The following TEC variants were observed in gnomAD, a reference collection of about 807,000 sequenced individuals.
TEC encodes tyrosine-protein kinase Tec.
TEC carries 72 observed loss-of-function variants against 93.0 expected under a neutral mutation model. That is an observed-to-expected ratio of 0.77 (90% CI 0.64 to 0.94). The LOEUF (loss-of-function observed/expected upper bound fraction) is 0.94, where lower values mean the gene tolerates loss of function less well. Among genes scored for constraint, TEC ranks in the 40% least tolerant of loss-of-function variants. TEC has a pLI of 0.00. For synonymous variants in TEC, 249 were observed against 247.7 expected (o/e 1.01, Z -0.05); for missense variants, 630 against 757.9 (o/e 0.83, Z 1.98).
chr4:48,200,678 G>A (rs1253797722), intron 2 of TEC, among the ~76,000 whole-genome samples: 1 of 152,226 alleles, frequency 6.6e-6, no homozygotes, highest in East Asian at 1.9e-4. Flanking sequence ...TGGTCAATGA[G>A]ATATTGGCAG....
At chr4:48,172,484 G>A (rs1183096395) in intron 3 of TEC, among the ~76,000 whole-genome samples, 1 of 151,464 alleles carries the variant, frequency 6.6e-6, no homozygotes, top group Non-Finnish European at 1.5e-5. Context: ...GCCCATGCTG[G>A]ATGGCAGGGG....
At chr4:48,264,086 A>G (rs901348728) in intron 1 of TEC, among the ~76,000 whole-genome samples, 3 of 152,242 alleles carry the variant, frequency 2.0e-5, no homozygotes, top group African/African-American at 7.2e-5. Context: ...TATTTCATGT[A>G]TAAATCAGCA....
At chr4:48,154,871 C>T (rs1720329253) in intron 9 of TEC, among the ~76,000 whole-genome samples, 1 of 151,984 alleles carries the variant, frequency 6.6e-6, no homozygotes. Context: ...ATTAAAGAGC[C>T]CAAAATTAGT....
chr4:48,186,006 C>T (rs1721822971), intron 2 of TEC, among the ~76,000 whole-genome samples: 1 of 152,154 alleles, frequency 6.6e-6, no homozygotes, highest in African/African-American at 2.4e-5. Flanking sequence ...TGCAGGCGCG[C>T]GCCGCCACAC....
At chr4:48,167,417 G>C (rs1720913926) in intron 7 of TEC, among the ~76,000 whole-genome samples, 1 of 151,980 alleles carries the variant, frequency 6.6e-6, no homozygotes, top group Non-Finnish European at 1.5e-5. Context: ...TATAGAGAGA[G>C]AGAGTCTAAG....
At chr4:48,265,418 CAT>C (rs1207154940) in intron 1 of TEC, among the ~76,000 whole-genome samples, 7 of 136,184 alleles carry the variant, frequency 5.1e-5, no homozygotes, top group East Asian at 2.2e-4. Flanking sequence ...TATACACACA[CAT>C]ATATATACAC....
At chr4:48,236,473 A>G (rs1387488071) in intron 1 of TEC, among the ~76,000 whole-genome samples, 11 of 151,990 alleles carry the variant, frequency 7.2e-5, no homozygotes, top group Middle Eastern at 3.2e-3. Context: ...TAGTAGAGAC[A>G]GGGTTTCACC....
intron 8 of TEC, among the ~76,000 whole-genome samples, chr4:48,159,777 C>A (rs971802682): frequency 6.6e-6 from 1 of 152,224 alleles, no homozygotes; most frequent in Admixed American, 6.5e-5. Context: ...CTACTGACCT[C>A]AAGCAATCTG....
intron 1 of TEC, 136 bp from the exon 2 acceptor site, chr4:48,228,795 A>G: frequency 1.6e-6 from 1 of 619,230 alleles, no homozygotes; most frequent in Non-Finnish European, 2.5e-6. Context: ...CCAAACTGAG[A>G]ATGCCTGGGG....
chr4:48,169,753 T>C (rs1721024277), intron 5 of TEC, among the ~76,000 whole-genome samples: 1 of 152,228 alleles, frequency 6.6e-6, no homozygotes, highest in Non-Finnish European at 1.5e-5. Flanking sequence ...AGGTTTTAGG[T>C]GTCAAAATTA....
intron 2 of TEC, among the ~76,000 whole-genome samples, chr4:48,206,109 A>G (rs1336482312): frequency 6.6e-6 from 1 of 152,242 alleles, no homozygotes; most frequent in Non-Finnish European, 1.5e-5. Flanking sequence ...TACTTATACA[A>G]AGTATCCAGA....
chr4:48,231,601 C>CA (rs1191047754), intron 1 of TEC, among the ~76,000 whole-genome samples: 2 of 151,912 alleles, frequency 1.3e-5, no homozygotes, highest in Non-Finnish European at 2.9e-5. Flanking sequence ...CTAAAAAATA[C>CA]AAAAAATTAG....
chr4:48,153,378 C>G (rs1208019739), intron 9 of TEC: 2 of 152,152 alleles, frequency 1.3e-5, no homozygotes, highest in Admixed American at 6.6e-5. Flanking sequence ...ACTCTCCCGG[C>G]CAGGGAATAC....
intron 1 of TEC, among the ~76,000 whole-genome samples, chr4:48,262,833 G>A (rs1012207236): frequency 1.3e-5 from 2 of 152,172 alleles, no homozygotes; most frequent in African/African-American, 4.8e-5. Context: ...AGTAATTGTT[G>A]CACCCACTCC....
intron 2 of TEC, among the ~76,000 whole-genome samples, chr4:48,181,508 A>G (rs1203302985): frequency 2.6e-5 from 4 of 151,936 alleles, no homozygotes; most frequent in Non-Finnish European, 5.9e-5. Flanking sequence ...CCCCATCTCT[A>G]CTAAAAATAC....
At chr4:48,269,527 C>T (rs1724731369) in intron 1 of TEC, among the ~76,000 whole-genome samples, 1 of 152,256 alleles carries the variant, frequency 6.6e-6, no homozygotes, top group Admixed American at 6.5e-5. Flanking sequence ...GGCAGGAAGG[C>T]GAGGCTGCGC....
At chr4:48,185,368 G>C (rs1367671807) in intron 2 of TEC, among the ~76,000 whole-genome samples, 1 of 152,170 alleles carries the variant, frequency 6.6e-6, no homozygotes, top group African/African-American at 2.4e-5. Context: ...GGATGGATTT[G>C]ACATTTTTCT....
chr4:48,136,849 T>C lies in TEC; in HGVS notation c.*567A>G, dbSNP rs1033963515. The stretch of plus-strand genomic sequence containing the variant: ...TTATATATTATATATATTTACAATA[T>C]ATACAGCATACAAATATTGTTCATG... On this transcript the variant is annotated 3_prime_UTR_variant, in exon 18 of 18. Coordinates refer to ENST00000381501, the MANE Select transcript of TEC (RefSeq NM_003215.3). 3 of 151,972 alleles carry C rather than the reference T, an allele frequency of 2.0e-5. No homozygotes were observed. The highest frequency in any genetic ancestry group is 7.2e-5 in the African/African-American group (3 of 41,408). 9.4% of individuals were successfully genotyped at this position (151,972 alleles called of 1,614,324 possible). A position where few individuals can be genotyped will look rare whatever the true frequency, so the allele number is the denominator to read the frequency against.
chr4:48,200,095 T>C (rs560477326), intron 2 of TEC, among the ~76,000 whole-genome samples: 119 of 152,292 alleles, frequency 7.8e-4, no homozygotes, highest in African/African-American at 2.8e-3. Context: ...TCTAATCTAA[T>C]CTGGAAGATC....
Sources: gnomAD v4.1 joint callset for allele counts (sites outside exome capture counted in the v4.1 genomes callset) on GRCh38, gnomAD v4.1.1 for gene constraint, MANE v1.5 for transcripts, NCBI Gene and HGNC (gene_info 2026-07-23, HGNC 2026-07-21) for gene names.